Variants in LRP1B observed in about 807,000 individuals in gnomAD.
LRP1B encodes the protein LDL receptor related protein 1B.
LRP1B carries 217 observed loss-of-function variants against 556.6 expected under a neutral mutation model. The ratio of observed to expected loss-of-function variants is 0.39; its 90% CI spans 0.35 to 0.44. The LOEUF is 0.44. Ranked by LOEUF, LRP1B falls within the 20% of genes least tolerant of loss-of-function variation. The probability of loss-of-function intolerance (pLI) is 1.00; values close to 1 mark genes in which losing one functional copy is unlikely to be tolerated. For synonymous variants in LRP1B, 2,047 were observed against 1,865.8 expected (o/e 1.10, Z -2.50); for missense variants, 5,053 against 5,620.8 (o/e 0.90, Z 3.23).
chr2:140,259,087 A>G (rs779496262), intron 86 of LRP1B, among the ~76,000 whole-genome samples: 23 of 152,084 alleles, frequency 1.5e-4, no homozygotes, highest in Non-Finnish European at 2.9e-4. Flanking sequence ...GAATTATTTC[A>G]TGGTCTAATG....
chr2:142,116,192 C>CA (rs70994477), intron 1 of LRP1B, among the ~76,000 whole-genome samples: 25,774 of 65,424 alleles, frequency 0.39, 5,495 homozygotes, highest in African/African-American at 0.55. Flanking sequence ...GAGTCTGTCT[C>CA]AAAAAAAAAA....
intron 7 of LRP1B, among the ~76,000 whole-genome samples, chr2:141,092,341 G>A (rs1700189929): frequency 6.6e-6 from 1 of 152,182 alleles, no homozygotes; most frequent in African/African-American, 2.4e-5. Flanking sequence ...GGAATCAAGG[G>A]TTTTGGCTGA....
In LRP1B at chr2:141,439,464, CTTAT is replaced by C. The variant is rs1241171789; in HGVS notation, c.343+40928_343+40931del. On this transcript the variant is annotated intron_variant, in intron 3 of 90. Coordinates refer to ENST00000389484, the MANE Select transcript of LRP1B (RefSeq NM_018557.3). ...AGAAAATTAATAATTTTTTAAAAATCTTATTTATAATAATTTTATATAGAATTAT... is the reference window on the plus strand; with the variant it reads ...AGAAAATTAATAATTTTTTAAAAATCTTATAATAATTTTATATAGAATTAT... Among the ~76,000 whole-genome samples, 11 of 151,288 alleles carry C rather than the reference CTTAT, an allele frequency of 7.3e-5. No homozygotes were observed. In the East Asian group the frequency reaches 1.2e-3, roughly 16 times the overall value.
chr2:140,763,077 A>G (rs1226096115), intron 35 of LRP1B, among the ~76,000 whole-genome samples: 1 of 152,136 alleles, frequency 6.6e-6, no homozygotes, highest in Non-Finnish European at 1.5e-5. Flanking sequence ...GAAAAATATA[A>G]AATAGTTTGA....
chr2:140,831,809 T>C (rs1691726773), intron 31 of LRP1B, among the ~76,000 whole-genome samples: 1 of 152,040 alleles, frequency 6.6e-6, no homozygotes, highest in Admixed American at 6.6e-5. Context: ...TATAAGGAAC[T>C]CAATTCAATA....
intron 86 of LRP1B, among the ~76,000 whole-genome samples, chr2:140,264,194 A>G (rs1390119385): frequency 1.3e-5 from 2 of 151,962 alleles, no homozygotes; most frequent in Non-Finnish European, 2.9e-5. Context: ...TGGATTCGGG[A>G]TCACCATAAT....
chr2:141,152,405 G>GA (rs1332258667), intron 7 of LRP1B, among the ~76,000 whole-genome samples: 7 of 151,420 alleles, frequency 4.6e-5, no homozygotes, highest in Admixed American at 6.6e-5. Flanking sequence ...TCTGGAAATA[G>GA]AAAAAAAATA....
chr2:141,198,812 A>T (rs964328402), intron 6 of LRP1B, among the ~76,000 whole-genome samples: 1 of 152,060 alleles, frequency 6.6e-6, no homozygotes, highest in Non-Finnish European at 1.5e-5. Flanking sequence ...TTATATTCTT[A>T]CTCGATCCAC....
chr2:141,388,686 A>T (rs1392833318), intron 3 of LRP1B, among the ~76,000 whole-genome samples: 2 of 152,122 alleles, frequency 1.3e-5, no homozygotes, highest in Non-Finnish European at 2.9e-5. Flanking sequence ...AGGAAATAAA[A>T]GCCCTCAAGT....
intron 2 of LRP1B, among the ~76,000 whole-genome samples, chr2:141,592,221 T>G (rs1482867118): frequency 6.6e-6 from 1 of 152,208 alleles, no homozygotes; most frequent in African/African-American, 2.4e-5. Flanking sequence ...GGACTTGTCT[T>G]AGTCTGTTCA....
intron 57 of LRP1B, among the ~76,000 whole-genome samples, chr2:140,491,064 CATAGAGG>C (rs1174632718): frequency 6.6e-6 from 1 of 151,960 alleles, no homozygotes; most frequent in Non-Finnish European, 1.5e-5. Flanking sequence ...TTAAATGATG[CATAGAGG>C]AAAAAATCAT....
chr2:140,641,453 A>G (rs142587571), intron 41 of LRP1B, among the ~76,000 whole-genome samples: 2,650 of 152,296 alleles, frequency 0.017, 43 homozygotes, highest in Admixed American at 0.047. Context: ...TGAAATTAAG[A>G]TTTCTAAAGT....
intron 2 of LRP1B, among the ~76,000 whole-genome samples, chr2:141,544,338 T>TTCTTCTTCTTCTTCTTCTTC (rs1685435678): frequency 1.5e-5 from 1 of 66,688 alleles, no homozygotes; most frequent in African/African-American, 6.2e-5. Context: ...CTTCTTCTTC[T>TTCTTCTTCTTCTTCTTCTTC]TCTTCTTCTT....
At chr2:141,349,678 T>C (rs1688377604) in intron 3 of LRP1B, among the ~76,000 whole-genome samples, 1 of 152,094 alleles carries the variant, frequency 6.6e-6, no homozygotes, top group South Asian at 2.1e-4. Flanking sequence ...TTTCTGAAAA[T>C]CAACTTGTTA....
chr2:140,327,020 C>T lies in LRP1B; in HGVS notation c.12224-1142G>A, dbSNP rs183296666. 3.9e-5 allele frequency among the ~76,000 whole-genome samples: 6 copies of T among 152,170 alleles called. No individual in the cohort carries two copies. The East Asian group carries it at 1.2e-3, about 30-fold the overall frequency. On this transcript the variant is annotated intron_variant, in intron 79 of 90. Coordinates refer to ENST00000389484, the MANE Select transcript of LRP1B (RefSeq NM_018557.3). ...TGTATGACTCATGAATTCTATAATA[C>T]ATCTTCACTGCTGTAGATTAACTTT... is the stretch of plus-strand genomic sequence containing the variant.
chr2:141,328,385 T>C (rs1248760766), intron 3 of LRP1B, among the ~76,000 whole-genome samples: 3 of 152,212 alleles, frequency 2.0e-5, no homozygotes, highest in Non-Finnish European at 4.4e-5. Flanking sequence ...TTTAGAACCA[T>C]GCTTATCATC....
intron 27 of LRP1B, among the ~76,000 whole-genome samples, chr2:140,866,475 T>G (rs1692956349): frequency 6.6e-6 from 1 of 151,626 alleles, no homozygotes; most frequent in African/African-American, 2.4e-5. Context: ...AAGTCAAGAG[T>G]AGAAGAAAAA....
At chr2:141,181,351 A>G (rs1206642489) in intron 7 of LRP1B, among the ~76,000 whole-genome samples, 2 of 151,926 alleles carry the variant, frequency 1.3e-5, no homozygotes, top group African/African-American at 4.8e-5. Context: ...TAATCTACCA[A>G]AGTAACCGAA....
intron 32 of LRP1B, among the ~76,000 whole-genome samples, chr2:140,783,424 T>C (rs1364333872): frequency 3.9e-5 from 6 of 152,160 alleles, no homozygotes; most frequent in South Asian, 2.1e-4. Flanking sequence ...GGGTGTCTTG[T>C]ATTTTATCTG....
Sources: gnomAD v4.1 joint callset for allele counts (sites outside exome capture counted in the v4.1 genomes callset) on GRCh38, gnomAD v4.1.1 for gene constraint, MANE v1.5 for transcripts, NCBI Gene and HGNC (gene_info 2026-07-23, HGNC 2026-07-21) for gene names.